Variants in PTCH2 observed in about 807,000 individuals in gnomAD.
PTCH2 encodes protein patched homolog 2.
Under a neutral mutation model 117.9 loss-of-function variants are expected in PTCH2, and 96 were observed. The observed-to-expected ratio is 0.81, with a 90% CI of 0.69 to 0.96. The LOEUF is 0.96. PTCH2 is among the 50% of genes least tolerant of loss of function. The pLI is 0.00. For missense variants in PTCH2, 1,379 were observed against 1,562.5 expected, an observed-to-expected ratio of 0.88 and a Z score of 1.98; for synonymous variants, 615 against 660.9, an observed-to-expected ratio of 0.93 and a Z score of 1.06.
chr1:44,823,229 C>T lies in PTCH2; in HGVS notation c.3257+14G>A, dbSNP rs772682205. ...TGTCCTGAGCCCTGCCTCCCTGCCC[C>T]GAGCCCTCCCTACCTTACAATGAAG... On this transcript the variant is annotated intron_variant, in intron 20 of 21. Transcript: ENST00000372192. This position sits in a 1 kb window ranked among gnomAD's most constrained non-coding sequence, Gnocchi z 5.1. The T allele has an allele frequency of 5.0e-5, 81 of 1,614,056 alleles. No individual in the cohort carries two copies. Among genetic ancestry groups the T allele is most frequent in the Middle Eastern group, 4.9e-4 (3 of 6,084 alleles).
intron 11 of PTCH2, 139 bp from the exon 12 acceptor site, chr1:44,828,770 T>C (rs970656795): frequency 7.6e-7 from 1 of 1,321,176 alleles, no homozygotes; most frequent in East Asian, 2.5e-5. Context: ...TTGGGTACCA[T>C]GTACGTATGA....
chr1:44,841,355 G>A (rs1411434339), intron 2 of PTCH2, among the ~76,000 whole-genome samples: 1 of 152,146 alleles, frequency 6.6e-6, no homozygotes, highest in Non-Finnish European at 1.5e-5. Flanking sequence ...CTCCCTGCAG[G>A]CTTGGCCAGA....
intron 21 of PTCH2, 96 bp downstream of exon 21, chr1:44,822,973 C>T (rs1034394508): frequency 2.2e-6 from 3 of 1,374,256 alleles, no homozygotes; most frequent in African/African-American, 2.9e-5. Context: ...GGGGAGGTAC[C>T]TGTCTGTGGG....
rs1261639750 is a variant in PTCH2, at chr1:44,831,940, A to G, written c.525+35T>C. On this transcript the variant is annotated intron_variant, in intron 4 of 21. Transcript: ENST00000372192. The surrounding 1 kb of genome is among the most constrained non-coding windows in gnomAD (Gnocchi z 4.3). ...CTCTGAGTCCTCCCACGCTACAGAA[A>G]AAGTTCTGCCTCTACTCCCTCTCAG... is the stretch of plus-strand genomic sequence containing the variant. 1 of 1,589,608 alleles carries G rather than the reference A, an allele frequency of 6.3e-7. No homozygotes were observed. Among genetic ancestry groups the G allele is most frequent in the African/African-American group, 1.3e-5 (1 of 74,420 alleles).
intron 2 of PTCH2, among the ~76,000 whole-genome samples, chr1:44,833,903 G>A (rs1330784669): frequency 1.3e-5 from 2 of 152,082 alleles, no homozygotes; most frequent in African/African-American, 4.8e-5. Flanking sequence ...CTCCTAAAGT[G>A]CTGGGATTAC....
chr1:44,833,438 C>T (rs1426725726), intron 2 of PTCH2, among the ~76,000 whole-genome samples: 1 of 136,452 alleles, frequency 7.3e-6, no homozygotes, highest in Non-Finnish European at 1.6e-5. Flanking sequence ...ATCTCTTTTC[C>T]TTTTTTTTTT....
intron 2 of PTCH2, among the ~76,000 whole-genome samples, chr1:44,841,604 A>G (rs1009201832): frequency 6.6e-6 from 1 of 152,268 alleles, no homozygotes; most frequent in Non-Finnish European, 1.5e-5. Context: ...AATAAATGCT[A>G]ACGTACAAAA....
At chr1:44,822,982 G>A (rs1376669909) in intron 21 of PTCH2, 87 bp downstream of exon 21, 1 of 1,436,462 alleles carries the variant, frequency 7.0e-7, no homozygotes, top group Non-Finnish European at 9.6e-7. Context: ...CCTGTCTGTG[G>A]GCCACAGGGC....
Position 44,832,269 on chromosome 1 carries a change from T to A in PTCH2, c.338A>T (p.Gln113Leu). The change falls in exon 3 of 22, where the codon CAG becomes CTG. Residue 113 changes from glutamine to leucine, a missense_variant. By Grantham distance (113) the Gln-to-Leu change is moderately radical. Coordinates refer to ENST00000372192, the MANE Select transcript of PTCH2 (RefSeq NM_003738.5). ...CTGGCGTGCGGTCTGTATCAGCATCTGAGAGGTGTATGCAGCCTCCTCCCC... is the reference window on the plus strand; with the variant it reads ...CTGGCGTGCGGTCTGTATCAGCATCAGAGAGGTGTATGCAGCCTCCTCCCC... ...KLGEEAAYTS[Q>L]MLIQTARQEG... The A allele has an allele frequency of 6.2e-7, 1 of 1,614,200 alleles. No individual in the cohort carries two copies. Among genetic ancestry groups the A allele is most frequent in the Non-Finnish European group, 8.5e-7 (1 of 1,180,034 alleles).
intron 2 of PTCH2, among the ~76,000 whole-genome samples, chr1:44,839,721 G>A (rs1653856617): frequency 6.6e-6 from 1 of 152,190 alleles, no homozygotes; most frequent in Non-Finnish European, 1.5e-5. Context: ...ATGTGTATGT[G>A]CGTGTATGCA....
intron 2 of PTCH2, among the ~76,000 whole-genome samples, chr1:44,833,082 C>T (rs573904952): frequency 1.1e-3 from 167 of 152,204 alleles, no homozygotes; most frequent in African/African-American, 3.6e-3. Context: ...TCCTTTTCAC[C>T]GCCCTCACTG....
chr1:44,830,321 C>T (rs1050885103), intron 6 of PTCH2, among the ~76,000 whole-genome samples: 18 of 152,116 alleles, frequency 1.2e-4, no homozygotes, highest in African/African-American at 4.3e-4. Flanking sequence ...CCTGGGAAAC[C>T]AGGTATGATA....
rs1178246237 is a variant in PTCH2 at position 44,826,038 on chromosome 1, G to T, written c.3114+212C>A. On this transcript the variant is annotated intron_variant, in intron 19 of 21. Coordinates refer to ENST00000372192, the MANE Select transcript of PTCH2 (RefSeq NM_003738.5). The surrounding 1 kb of genome is among the most constrained non-coding windows in gnomAD (Gnocchi z 5.1). ...TTTTTGTATTTTTAGTAAAGACAGGGTTTCACCATGTTGGCCAGGCTGGTT... is the reference window on the plus strand; with the variant it reads ...TTTTTGTATTTTTAGTAAAGACAGGTTTTCACCATGTTGGCCAGGCTGGTT... Among the ~76,000 whole-genome samples, 1 of 151,696 alleles carries T rather than the reference G, an allele frequency of 6.6e-6. No homozygotes were observed. The highest frequency in any genetic ancestry group is 1.5e-5 in the Non-Finnish European group (1 of 67,970).
chr1:44,829,037 T>C lies in PTCH2; in HGVS notation c.1409A>G (p.Asp470Gly). 1 of 1,595,792 alleles carries C rather than the reference T, an allele frequency of 6.3e-7. No homozygotes were observed. The highest frequency in any genetic ancestry group is 8.5e-7 in the Non-Finnish European group (1 of 1,171,022). Reference protein sequence around the residue: ...PFLALGIGVDDVFLLAHAFTE... With the variant: ...PFLALGIGVDGVFLLAHAFTE... ...GAAGGCATGCGCCAGCAGGAATACG[T>C]CATCCACGCCGATTCCCAGAGCCAA... is the stretch of plus-strand genomic sequence containing the variant. The change falls in exon 11 of 22, where the codon GAC becomes GGC. Residue 470 changes from aspartate (D) to glycine (G), a missense_variant. By Grantham distance (94) the Asp-to-Gly change is moderately conservative. Coordinates refer to ENST00000372192, the MANE Select transcript of PTCH2 (RefSeq NM_003738.5).
At chr1:44,820,264 G>A, downstream of PTCH2, 1 of 422,642 alleles carries the variant, frequency 2.4e-6, no homozygotes. Flanking sequence ...ATGGGTCACT[G>A]ATCTCCTTTG....
In PTCH2 at chr1:44,828,528, G is replaced by C. The variant is rs200216295; in HGVS notation, c.1568C>G (p.Ala523Gly). The change falls in exon 12 of 22, where the codon GCG becomes GGG. Residue 523 changes from alanine (A) to glycine (G), a missense_variant. Ala to Gly is a moderately conservative substitution (Grantham distance 60, BLOSUM62 0). Transcript: ENST00000372192. ...CACCTGTAGGGAGAAGGCTCGCAGCGCAGGGATGGGAACGAGGGCAGCCAT... is the reference window on the plus strand; with the variant it reads ...CACCTGTAGGGAGAAGGCTCGCAGCCCAGGGATGGGAACGAGGGCAGCCAT... ...FLMAALVPIP[A>G]LRAFSLQAAI... 1.2e-6 allele frequency: 2 copies of C among 1,614,122 alleles called. No individual in the cohort carries two copies. The highest frequency in any genetic ancestry group is 3.3e-5 in the Admixed American group (2 of 60,012).
intron 1 of PTCH2, among the ~76,000 whole-genome samples, chr1:44,842,274 CTTTTT>C (rs200149437): frequency 1.5e-5 from 2 of 130,906 alleles, no homozygotes; most frequent in Non-Finnish European, 3.2e-5. Flanking sequence ...GTTTTCTCTC[CTTTTT>C]TTTTTTTTTT....
intron 7 of PTCH2, 25 bp from the exon 8 acceptor site, chr1:44,829,786 G>C (rs1557646213): frequency 3.1e-6 from 5 of 1,614,048 alleles, no homozygotes; most frequent in Non-Finnish European, 4.2e-6. Context: ...GGAGAACCAG[G>C]GGTCAGAGCT....
At chr1:44,820,047 A>G (rs1652850829), downstream of PTCH2, 2 of 215,078 alleles carry the variant, frequency 9.3e-6, no homozygotes, top group African/African-American at 2.3e-5. Flanking sequence ...CACTTAACAC[A>G]CTTATGGTTG....
Sources: allele counts gnomAD v4.1 joint callset (sites outside exome capture counted in the v4.1 genomes callset), GRCh38; gene constraint gnomAD v4.1.1; non-coding constraint Gnocchi (gnomAD v3.1); transcripts MANE v1.5; gene names NCBI Gene and HGNC (gene_info 2026-07-23, HGNC 2026-07-21).